The following DOCK3 variants were observed in gnomAD, a reference collection of about 807,000 sequenced individuals.
DOCK3 encodes the protein dedicator of cytokinesis 3.
DOCK3 carries 60 observed loss-of-function variants against 265.6 expected under a neutral mutation model. The observed-to-expected ratio is 0.23, with a 90% confidence interval of 0.18 to 0.28. DOCK3 has a LOEUF of 0.28. Ranked by LOEUF, DOCK3 falls within the 10% of genes least tolerant of loss-of-function variation. DOCK3 has a pLI of 1.00. For synonymous variants in DOCK3, 881 were observed against 938.0 expected, an observed-to-expected ratio of 0.94 and a Z score of 1.11; for missense variants, 1,981 against 2,594.3, an observed-to-expected ratio of 0.76 and a Z score of 5.14.
chr3:51,275,239 G>A (rs750112382), intron 25 of DOCK3, 33 bp downstream of exon 25: 3 of 1,612,670 alleles, frequency 1.9e-6, no homozygotes, highest in Admixed American at 3.3e-5. Context: ...ACCCTGTTCA[G>A]CTCTTCCCTA....
intron 9 of DOCK3, among the ~76,000 whole-genome samples, chr3:51,093,118 C>T (rs927507813): frequency 1.3e-5 from 2 of 152,142 alleles, no homozygotes; most frequent in Non-Finnish European, 2.9e-5. Context: ...AGCATGATGC[C>T]TCTGGCTTGG....
intron 3 of DOCK3, among the ~76,000 whole-genome samples, chr3:50,867,408 G>T (rs982887661): frequency 1.3e-5 from 2 of 151,964 alleles, no homozygotes; most frequent in Non-Finnish European, 2.9e-5. Flanking sequence ...TGGATTCTCT[G>T]TGTTTTTTTC....
chr3:50,791,779 T>G (rs980823819), intron 2 of DOCK3, among the ~76,000 whole-genome samples: 2 of 152,196 alleles, frequency 1.3e-5, no homozygotes, highest in Admixed American at 6.5e-5. Flanking sequence ...TGTTTTCCAT[T>G]GGTCTCTGTG....
chr3:50,817,694 A>AT (rs139263008), intron 2 of DOCK3, among the ~76,000 whole-genome samples: 4,587 of 147,154 alleles, frequency 0.031, 556 homozygotes, highest in East Asian at 0.24. Context: ...CTTTGGGGCT[A>AT]TTTTTTTTTT....
intron 5 of DOCK3, among the ~76,000 whole-genome samples, chr3:51,002,863 C>T (rs949702699): frequency 2.0e-5 from 3 of 152,130 alleles, no homozygotes; most frequent in African/African-American, 7.2e-5. Context: ...CTATATTTGA[C>T]CCTTTCAACC....
intron 4 of DOCK3, among the ~76,000 whole-genome samples, chr3:50,921,377 G>C (rs192709225): frequency 7.9e-5 from 12 of 152,264 alleles, no homozygotes; most frequent in Non-Finnish European, 1.3e-4. Flanking sequence ...CGTAGTTCTT[G>C]TGGCGTGGTT....
chr3:51,287,118 A>T (rs917418041), intron 27 of DOCK3, among the ~76,000 whole-genome samples: 1 of 152,204 alleles, frequency 6.6e-6, no homozygotes, highest in Non-Finnish European at 1.5e-5. Flanking sequence ...ATTCACAAGC[A>T]AAAAAACAAC....
intron 27 of DOCK3, among the ~76,000 whole-genome samples, chr3:51,299,959 G>A (rs894069944): frequency 6.6e-6 from 1 of 152,130 alleles, no homozygotes; most frequent in Non-Finnish European, 1.5e-5. Context: ...GAATGTCAAT[G>A]GTAGTTTAAT....
At chr3:51,216,899 T>C (rs2089817352) in intron 14 of DOCK3, among the ~76,000 whole-genome samples, 1 of 152,152 alleles carries the variant, frequency 6.6e-6, no homozygotes, top group South Asian at 2.1e-4. Context: ...TGAGAGTGTT[T>C]TACTTGAATT....
At chr3:50,764,251 A>G (rs1019436898) in intron 1 of DOCK3, among the ~76,000 whole-genome samples, 1 of 152,208 alleles carries the variant, frequency 6.6e-6, no homozygotes, top group African/African-American at 2.4e-5. Context: ...AGAAATAAAT[A>G]CTACAGAAGC....
chr3:50,902,533 G>T (rs1359354899), intron 4 of DOCK3, among the ~76,000 whole-genome samples: 1 of 152,098 alleles, frequency 6.6e-6, no homozygotes, highest in East Asian at 1.9e-4. Flanking sequence ...TGTTCCATTG[G>T]TCTGTGTGTC....
At chr3:50,871,946 A>T (rs1372464125) in intron 3 of DOCK3, among the ~76,000 whole-genome samples, 1 of 152,108 alleles carries the variant, frequency 6.6e-6, no homozygotes, top group Non-Finnish European at 1.5e-5. Flanking sequence ...TTTCTGTGTT[A>T]TCTTGAATTT....
At chr3:50,768,609 A>G (rs1384803994) in intron 1 of DOCK3, among the ~76,000 whole-genome samples, 1 of 152,240 alleles carries the variant, frequency 6.6e-6, no homozygotes, top group Non-Finnish European at 1.5e-5. Flanking sequence ...AAGACTGAAT[A>G]GTATTCTATT....
chr3:51,097,705 C>T (rs1179462238), intron 9 of DOCK3, among the ~76,000 whole-genome samples: 3 of 152,334 alleles, frequency 2.0e-5, no homozygotes, highest in East Asian at 3.9e-4. Context: ...CAAACGGCCG[C>T]CTAGTTTTGT....
intron 5 of DOCK3, among the ~76,000 whole-genome samples, chr3:51,049,215 A>G (rs563289893): frequency 7.9e-5 from 12 of 151,950 alleles, no homozygotes; most frequent in Non-Finnish European, 1.6e-4. Context: ...AGTCCCAGCT[A>G]CTCAGAAAGT....
chr3:50,917,080 G>A (rs2050170809), intron 4 of DOCK3, among the ~76,000 whole-genome samples: 2 of 152,036 alleles, frequency 1.3e-5, no homozygotes, highest in African/African-American at 4.8e-5. Flanking sequence ...TTACACTATT[G>A]CCTTTGATTT....
intron 5 of DOCK3, among the ~76,000 whole-genome samples, chr3:51,060,192 A>T (rs1188185391): frequency 6.6e-6 from 1 of 151,652 alleles, no homozygotes; most frequent in East Asian, 1.9e-4. Context: ...CATATAAAAA[A>T]AAAGAAACTG....
intron 5 of DOCK3, among the ~76,000 whole-genome samples, chr3:51,061,315 A>G (rs1216904551): frequency 6.6e-6 from 1 of 152,194 alleles, no homozygotes; most frequent in Non-Finnish European, 1.5e-5. Context: ...ACCAACCCAA[A>G]TGTCCAACAG....
intron 9 of DOCK3, 96 bp from the exon 10 acceptor site, chr3:51,146,453 T>G (rs933317552): frequency 7.7e-7 from 1 of 1,290,498 alleles, no homozygotes; most frequent in Non-Finnish European, 1.1e-6. Context: ...CAAGCTGTTA[T>G]GTAAATATGT....
Sources: gnomAD v4.1 joint callset for allele counts (sites outside exome capture counted in the v4.1 genomes callset) on GRCh38, gnomAD v4.1.1 for gene constraint, MANE v1.5 for transcripts, NCBI Gene and HGNC (gene_info 2026-07-23, HGNC 2026-07-21) for gene names.